MND1: variants seen among roughly 807,000 people sequenced by gnomAD.
The protein encoded by MND1 is meiotic nuclear divisions 1, also known as meiotic nuclear division protein 1 homolog.
Under a neutral mutation model 35.1 loss-of-function variants are expected in MND1, and 28 were observed. That is an observed-to-expected ratio of 0.80 (90% confidence interval 0.59 to 1.09). The LOEUF is 1.09. Among genes scored for constraint, MND1 ranks in the 50% least tolerant of loss-of-function variants. The pLI, the probability that MND1 is intolerant of heterozygous loss-of-function variation, is 0.00. For synonymous variants in MND1, 69 were observed against 70.5 expected, an observed-to-expected ratio of 0.98 and a Z score of 0.11; for missense variants, 213 against 239.6, an observed-to-expected ratio of 0.89 and a Z score of 0.73.
intron 4 of MND1, among the ~76,000 whole-genome samples, chr4:153,380,933 T>C (rs936942655): frequency 6.6e-6 from 1 of 151,760 alleles, no homozygotes; most frequent in Admixed American, 6.6e-5. Context: ...AGACTGTCGC[T>C]CTGTTGCCCA....
At chr4:153,378,024 G>A (rs1349233428) in intron 4 of MND1, among the ~76,000 whole-genome samples, 1 of 152,096 alleles carries the variant, frequency 6.6e-6, no homozygotes, top group Admixed American at 6.5e-5. Context: ...TGAAGGCAGG[G>A]TCTATATCTT....
chr4:153,414,734 C>A lies in MND1; in HGVS notation c.512-17C>A. The stretch of plus-strand genomic sequence containing the variant: ...GATTGTGTTTTTCTCAAAATTATTT[C>A]TCAATTTTCTTTATAGATAACATAT... On this transcript the variant is annotated splice_polypyrimidine_tract_variant and intron_variant, in intron 7 of 7. Coordinates refer to ENST00000240488, the MANE Select transcript of MND1 (RefSeq NM_032117.4). 1 of 1,126,712 alleles carries A rather than the reference C, an allele frequency of 8.9e-7. No homozygotes were observed. Among genetic ancestry groups the A allele is most frequent in the Non-Finnish European group, 1.3e-6 (1 of 783,422 alleles). 69.8% of individuals were successfully genotyped at this position (1,126,712 alleles called of 1,614,324 possible).
intron 4 of MND1, among the ~76,000 whole-genome samples, chr4:153,374,849 A>G (rs912132507): frequency 6.6e-6 from 1 of 152,146 alleles, no homozygotes; most frequent in African/African-American, 2.4e-5. Context: ...CTAAGATAGC[A>G]GACAAACCAG....
intron 2 of MND1, among the ~76,000 whole-genome samples, chr4:153,355,202 T>G (rs895920159): frequency 2.6e-5 from 4 of 152,076 alleles, no homozygotes. Flanking sequence ...TGTAAATGTA[T>G]GCAAAAATCT....
intron 4 of MND1, among the ~76,000 whole-genome samples, chr4:153,392,401 G>A (rs954453123): frequency 6.6e-6 from 1 of 152,036 alleles, no homozygotes; most frequent in Non-Finnish European, 1.5e-5. Context: ...CACCATGCCC[G>A]GCCGTAAACA....
intron 7 of MND1, among the ~76,000 whole-genome samples, chr4:153,409,614 CG>C (rs1554013798): frequency 6.6e-6 from 1 of 152,080 alleles, no homozygotes; most frequent in Non-Finnish European, 1.5e-5. Context: ...TAGTCAAAGG[CG>C]ATTAGTCACT....
chr4:153,350,985 G>A lies in MND1; in HGVS notation c.69+856G>A, dbSNP rs116262993. Among the ~76,000 whole-genome samples the A allele has an allele frequency of 5.2e-4, 79 of 150,578 alleles. No individual in the cohort carries two copies. The South Asian group carries it at 0.01, about 19-fold the overall frequency. On this transcript the variant is annotated intron_variant, in intron 2 of 7. Coordinates refer to ENST00000240488, the MANE Select transcript of MND1 (RefSeq NM_032117.4). ...AAAAAAAAAACAAACAAAATACACG[G>A]GATTTGCCCACTAAGTATAATCTTA...
At chr4:153,362,650 A>G (rs991012752) in intron 4 of MND1, among the ~76,000 whole-genome samples, 4 of 152,214 alleles carry the variant, frequency 2.6e-5, no homozygotes, top group African/African-American at 9.6e-5. Context: ...TTACTTAAAT[A>G]TGTCAAATTT....
chr4:153,384,964 C>A lies in MND1; in HGVS notation c.277-9298C>A, dbSNP rs993095721. 3.3e-5 allele frequency among the ~76,000 whole-genome samples: 5 copies of A among 152,164 alleles called. No homozygotes were observed. In the East Asian group the frequency reaches 9.6e-4, roughly 29 times the overall value. On this transcript the variant is annotated intron_variant, in intron 4 of 7. Coordinates refer to ENST00000240488, the MANE Select transcript of MND1 (RefSeq NM_032117.4). ...TTCACAGAGTGTTTTCTTTTAATGA[C>A]TACTGTCTTACAGCATATAATGAAA...
chr4:153,404,412 C>G (rs1363171425), intron 6 of MND1, among the ~76,000 whole-genome samples: 2 of 147,220 alleles, frequency 1.4e-5, no homozygotes, highest in Non-Finnish European at 3.0e-5. Context: ...AGGATGGTCT[C>G]GATCTCTTGA....
chr4:153,352,760 A>C (rs946418421), intron 2 of MND1, among the ~76,000 whole-genome samples: 3 of 151,684 alleles, frequency 2.0e-5, no homozygotes, highest in Admixed American at 6.6e-5. Context: ...AAAAAAAAAA[A>C]AAAAAAAACA....
At chr4:153,400,949 G>A (rs540075432) in intron 6 of MND1, among the ~76,000 whole-genome samples, 1 of 152,110 alleles carries the variant, frequency 6.6e-6, no homozygotes, top group Admixed American at 6.5e-5. Flanking sequence ...AAAGACCCAG[G>A]TCAAACTTTT....
At chr4:153,365,530 G>T (rs1405880018) in intron 4 of MND1, among the ~76,000 whole-genome samples, 1 of 152,034 alleles carries the variant, frequency 6.6e-6, no homozygotes, top group Non-Finnish European at 1.5e-5. Flanking sequence ...AGTTACAGTG[G>T]TTTTTTTATT....
chr4:153,347,965 C>G (rs183239255), intron 1 of MND1, among the ~76,000 whole-genome samples: 5 of 152,142 alleles, frequency 3.3e-5, no homozygotes, highest in African/African-American at 1.2e-4. Flanking sequence ...TCAGAAACGT[C>G]TGGATGTCTG....
intron 4 of MND1, among the ~76,000 whole-genome samples, chr4:153,373,635 G>A (rs916717028): frequency 2.0e-5 from 3 of 152,028 alleles, no homozygotes; most frequent in African/African-American, 7.2e-5. Context: ...CCACTCTCAC[G>A]TACCGGAGAT....
intron 7 of MND1, among the ~76,000 whole-genome samples, chr4:153,412,319 AC>A (rs2149661371): frequency 6.6e-6 from 1 of 152,300 alleles, no homozygotes; most frequent in African/African-American, 2.4e-5. Flanking sequence ...AGATGCCGCA[AC>A]AAAACATCAC....
intron 4 of MND1, among the ~76,000 whole-genome samples, chr4:153,370,101 G>A (rs1469920065): frequency 1.3e-5 from 2 of 151,872 alleles, no homozygotes; most frequent in African/African-American, 2.4e-5. Context: ...AGCCAACATC[G>A]TGAAACCCTG....
chr4:153,369,804 T>C (rs762094193), intron 4 of MND1, among the ~76,000 whole-genome samples: 1 of 152,238 alleles, frequency 6.6e-6, no homozygotes. Context: ...TGCTGTTTGA[T>C]AGCATTTTAC....
chr4:153,407,635 A>ATT (rs1729557019), intron 6 of MND1, among the ~76,000 whole-genome samples: 2 of 152,198 alleles, frequency 1.3e-5, no homozygotes, highest in Non-Finnish European at 2.9e-5. Flanking sequence ...GTATTAGCAG[A>ATT]AACAGCCCAA....
Sources: gnomAD v4.1 joint callset for allele counts (sites outside exome capture counted in the v4.1 genomes callset) on GRCh38, gnomAD v4.1.1 for gene constraint, MANE v1.5 for transcripts, NCBI Gene and HGNC (gene_info 2026-07-23, HGNC 2026-07-21) for gene names.